SDK1: variants seen among roughly 807,000 people sequenced by gnomAD.
SDK1 encodes the protein sidekick cell adhesion molecule 1.
A neutral mutation model predicts 245.5 loss-of-function variants in SDK1; 157 were observed. The ratio of observed to expected loss-of-function variants is 0.64; its 90% CI spans 0.56 to 0.73. SDK1 has a LOEUF of 0.73. Ranked by LOEUF, SDK1 falls within the 30% of genes least tolerant of loss-of-function variation. The pLI is 0.00. For missense variants in SDK1, 3,583 were observed against 3,002.3 expected (o/e 1.19, Z -4.52); for synonymous variants, 1,647 against 1,278.5 (o/e 1.29, Z -6.15).
chr7:4,113,140 AAG>A, intron 23 of SDK1, 147 bp from the exon 24 acceptor site: 1 of 847,452 alleles, frequency 1.2e-6, no homozygotes, highest in Admixed American at 2.4e-5. Flanking sequence ...ACCAGGTGAA[AAG>A]AGGGTGTCCT....
chr7:3,681,995 T>C (rs1374304056), intron 4 of SDK1, among the ~76,000 whole-genome samples: 2 of 152,216 alleles, frequency 1.3e-5, no homozygotes, highest in Non-Finnish European at 2.9e-5. Context: ...TGTTTTAATG[T>C]TCTGCAGTGA....
chr7:3,333,630 T>C (rs1421689312), intron 1 of SDK1, among the ~76,000 whole-genome samples: 2 of 152,122 alleles, frequency 1.3e-5, no homozygotes, highest in Non-Finnish European at 2.9e-5. Context: ...TGCATACCCC[T>C]AACCTAGCAC....
At chr7:3,559,848 G>T (rs1779695161) in intron 1 of SDK1, among the ~76,000 whole-genome samples, 1 of 151,962 alleles carries the variant, frequency 6.6e-6, no homozygotes, top group African/African-American at 2.4e-5. Flanking sequence ...ACTTCACAAG[G>T]CTGGTCTTTG....
chr7:3,828,910 G>A (rs1051931769), intron 5 of SDK1, among the ~76,000 whole-genome samples: 3 of 151,768 alleles, frequency 2.0e-5, no homozygotes, highest in African/African-American at 7.3e-5. Context: ...TCCCACCTTG[G>A]CCTCCCAAAC....
intron 1 of SDK1, among the ~76,000 whole-genome samples, chr7:3,481,674 G>A (rs565472710): frequency 2.0e-5 from 3 of 152,292 alleles, no homozygotes; most frequent in South Asian, 4.1e-4. Context: ...GTCACGGCTC[G>A]TGTCAGGGAC....
Position 3,751,291 on chromosome 7 carries a change from A to G in SDK1, c.714-70159A>G, listed in dbSNP as rs73304263. 9.4e-3 allele frequency among the ~76,000 whole-genome samples: 1,431 copies of G among 152,270 alleles called. 20 individuals carry two copies. The highest frequency in any genetic ancestry group is 0.032 in the African/African-American group (1,347 of 41,544). On this transcript the variant is annotated intron_variant, in intron 4 of 44. Transcript: ENST00000404826. ...AGGTATCAAATAAGAGAGCTAATAA[A>G]CTAGGATGATGCCCCTCTTTACTTC...
intron 4 of SDK1, among the ~76,000 whole-genome samples, chr7:3,643,935 C>T (rs1483045380): frequency 6.7e-6 from 1 of 150,228 alleles, no homozygotes; most frequent in African/African-American, 2.4e-5. Flanking sequence ...GACAGAGTCC[C>T]TCTGTCACCC....
chr7:3,839,482 C>G (rs963519827), intron 5 of SDK1, among the ~76,000 whole-genome samples: 4 of 152,060 alleles, frequency 2.6e-5, no homozygotes, highest in African/African-American at 9.7e-5. Context: ...AGAATGCTGT[C>G]GAGGAATTGG....
intron 22 of SDK1, among the ~76,000 whole-genome samples, chr7:4,089,722 G>A (rs1377099794): frequency 6.6e-6 from 1 of 152,222 alleles, no homozygotes; most frequent in African/African-American, 2.4e-5. Context: ...ATTTCATGTG[G>A]AATTTCCAAT....
chr7:3,884,083 G>GTT (rs529710738), intron 5 of SDK1, among the ~76,000 whole-genome samples: 130 of 136,210 alleles, frequency 9.5e-4, no homozygotes, highest in African/African-American at 2.9e-3. Context: ...TTGTTTTTTT[G>GTT]TTTTTTTTTT....
At chr7:3,987,920 C>CA (rs1162399005) in intron 14 of SDK1, among the ~76,000 whole-genome samples, 1 of 152,080 alleles carries the variant, frequency 6.6e-6, no homozygotes, top group African/African-American at 2.4e-5. Flanking sequence ...TGCACCCACT[C>CA]ACGCCTCTCC....
chr7:4,092,928 A>G (rs1429820415), intron 22 of SDK1, among the ~76,000 whole-genome samples: 4 of 152,196 alleles, frequency 2.6e-5, no homozygotes, highest in Non-Finnish European at 5.9e-5. Flanking sequence ...CTTCCCTTTC[A>G]TCTACTTTTC....
chr7:4,169,811 G>A lies in SDK1; in HGVS notation c.4801-4411G>A, dbSNP rs190975684. 1.2e-4 allele frequency among the ~76,000 whole-genome samples: 18 copies of A among 152,246 alleles called. No homozygotes were observed. In the East Asian group the frequency reaches 2.5e-3, roughly 21 times the overall value. ...CTCTGGCACTGCCCTCCCTCCCTGC[G>A]GGAGGGCCCCTGGGCACAGAGCTCT... On this transcript the variant is annotated intron_variant, in intron 32 of 44. Transcript: ENST00000404826.
At chr7:3,699,287 A>T (rs1727973358) in intron 4 of SDK1, among the ~76,000 whole-genome samples, 2 of 152,210 alleles carry the variant, frequency 1.3e-5, no homozygotes, top group South Asian at 4.1e-4. Context: ...AAACACCCAC[A>T]ACAAGATGAT....
At position 3,629,158 on chromosome 7, in the gene SDK1, G is replaced by A. The variant is rs544503895; in HGVS notation, c.459-9846G>A. On this transcript the variant is annotated intron_variant, in intron 2 of 44. Coordinates refer to ENST00000404826, the MANE Select transcript of SDK1 (RefSeq NM_152744.4). ...ATGCAAAAAAAAAAAAAAATTAGCC[G>A]GGCATGGTGGCGGGCGCCTGTAGTC... is the stretch of plus-strand genomic sequence containing the variant. Among the ~76,000 whole-genome samples the A allele has an allele frequency of 2.5e-3, 375 of 151,564 alleles. 3 individuals are homozygous for A. Among genetic ancestry groups the A allele is most frequent in the South Asian group, 0.018 (86 of 4,788 alleles).
intron 1 of SDK1, among the ~76,000 whole-genome samples, chr7:3,562,235 G>A (rs1254012883): frequency 2.6e-5 from 4 of 152,304 alleles, no homozygotes; most frequent in South Asian, 4.1e-4. Context: ...GTATTCTACC[G>A]TTTCCAAAAA....
rs1357775626 is a variant in SDK1, at chr7:3,301,292, C to CGGT, written c.-293_-292insTGG. On this transcript the variant is annotated 5_prime_UTR_variant, in exon 1 of 45. Transcript: ENST00000404826. ...CGCCGGGCGGGGGCGGCGGCGGCGG[C>CGGT]GGCTCCTCCGCGCCCGGCGGACCCC... Among the ~76,000 whole-genome samples the CGGT allele has an allele frequency of 6.9e-6, 1 of 145,410 alleles. No homozygotes were observed. Among genetic ancestry groups the CGGT allele is most frequent in the African/African-American group, 2.5e-5 (1 of 40,340 alleles).
At chr7:3,634,894 A>G (rs1284788718) in intron 2 of SDK1, among the ~76,000 whole-genome samples, 1 of 152,248 alleles carries the variant, frequency 6.6e-6, no homozygotes, top group African/African-American at 2.4e-5. Flanking sequence ...AGAAATTCAT[A>G]AGAATTTAAG....
At chr7:4,094,894 C>A (rs1234980240) in intron 22 of SDK1, among the ~76,000 whole-genome samples, 1 of 152,164 alleles carries the variant, frequency 6.6e-6, no homozygotes, top group Non-Finnish European at 1.5e-5. Context: ...TTGGTTTTAC[C>A]TAAAAGGACA....
Sources: allele counts gnomAD v4.1 joint callset (sites outside exome capture counted in the v4.1 genomes callset), GRCh38; gene constraint gnomAD v4.1.1; transcripts MANE v1.5; gene names NCBI Gene and HGNC (gene_info 2026-07-23, HGNC 2026-07-21).